The following PTPRT variants were observed in gnomAD, a reference collection of about 807,000 sequenced individuals.
PTPRT encodes the protein receptor-type tyrosine-protein phosphatase T.
PTPRT carries 56 observed loss-of-function variants against 176.8 expected under a neutral mutation model. That is an observed-to-expected ratio of 0.32 (90% CI 0.26 to 0.40). PTPRT has a LOEUF of 0.40. Ranked by LOEUF, PTPRT falls within the 10% of genes least tolerant of loss-of-function variation. The pLI, the probability that PTPRT is intolerant of heterozygous loss-of-function variation, is 1.00. For missense variants in PTPRT, 1,540 were observed against 1,908.2 expected, an observed-to-expected ratio of 0.81 and a Z score of 3.60; for synonymous variants, 783 against 739.0, an observed-to-expected ratio of 1.06 and a Z score of -0.96.
chr20:42,339,815 G>C (rs2087410288), intron 11 of PTPRT, among the ~76,000 whole-genome samples: 1 of 152,178 alleles, frequency 6.6e-6, no homozygotes, highest in African/African-American at 2.4e-5. Context: ...AGTGATGTGG[G>C]GAAATTTTAG....
At chr20:42,316,456 G>T (rs1212919986) in intron 11 of PTPRT, among the ~76,000 whole-genome samples, 1 of 152,078 alleles carries the variant, frequency 6.6e-6, no homozygotes, top group African/African-American at 2.4e-5. Context: ...ATAATGCCTT[G>T]GTTGGACACT....
chr20:42,912,358 C>T (rs1232804386), intron 1 of PTPRT, among the ~76,000 whole-genome samples: 1 of 152,150 alleles, frequency 6.6e-6, no homozygotes, highest in Non-Finnish European at 1.5e-5. Context: ...GGCATTTCCT[C>T]ATTTGTAAAC....
At chr20:42,715,242 C>G (rs1176256791) in intron 6 of PTPRT, among the ~76,000 whole-genome samples, 1 of 152,128 alleles carries the variant, frequency 6.6e-6, no homozygotes, top group Non-Finnish European at 1.5e-5. Flanking sequence ...AGACCACCTA[C>G]AGCAAACTAT....
At chr20:43,084,783 A>C (rs2011560830) in intron 1 of PTPRT, among the ~76,000 whole-genome samples, 1 of 152,222 alleles carries the variant, frequency 6.6e-6, no homozygotes, top group African/African-American at 2.4e-5. Context: ...ATCTTAAGGG[A>C]GAAAAAAGAA....
intron 7 of PTPRT, among the ~76,000 whole-genome samples, chr20:42,570,469 C>T (rs893431292): frequency 5.9e-5 from 9 of 152,280 alleles, no homozygotes; most frequent in Admixed American, 1.3e-4. Context: ...CAGATCTAAT[C>T]GCCCACAAAT....
intron 2 of PTPRT, among the ~76,000 whole-genome samples, chr20:42,856,051 A>G (rs1359720017): frequency 6.6e-6 from 1 of 152,096 alleles, no homozygotes; most frequent in Non-Finnish European, 1.5e-5. Context: ...AAAGCAGCTG[A>G]CTCATTTTGA....
chr20:42,310,049 T>C (rs1236022355), intron 12 of PTPRT, among the ~76,000 whole-genome samples: 4 of 152,186 alleles, frequency 2.6e-5, no homozygotes, highest in Non-Finnish European at 5.9e-5. Flanking sequence ...GTACTAGCTC[T>C]GCAAACAGTG....
chr20:42,139,821 G>A (rs1988540773), intron 18 of PTPRT, among the ~76,000 whole-genome samples: 1 of 152,250 alleles, frequency 6.6e-6, no homozygotes, highest in African/African-American at 2.4e-5. Context: ...AGCTCCCTGT[G>A]GCAGAGTGGG....
At chr20:42,066,319 G>A in the PTPRT span, among the ~76,000 whole-genome samples, 10 of 152,252 alleles carry the variant, frequency 6.6e-5, no homozygotes, top group East Asian at 1.5e-3. Context: ...TGGGATTACA[G>A]GCATGAGCCA....
intron 9 of PTPRT, among the ~76,000 whole-genome samples, chr20:42,429,185 G>C (rs1033414): frequency 6.6e-6 from 1 of 152,068 alleles, no homozygotes; most frequent in Non-Finnish European, 1.5e-5. Flanking sequence ...TTACCTTGAA[G>C]GGCTGAGACA....
chr20:43,048,177 G>C (rs559607261), intron 1 of PTPRT, among the ~76,000 whole-genome samples: 1 of 152,158 alleles, frequency 6.6e-6, no homozygotes, highest in African/African-American at 2.4e-5. Context: ...CTGGGCAGAG[G>C]GGGTGGGGTC....
chr20:42,906,527 C>G (rs1452481864), intron 1 of PTPRT, among the ~76,000 whole-genome samples: 4 of 152,214 alleles, frequency 2.6e-5, no homozygotes, highest in Admixed American at 6.5e-5. Flanking sequence ...TGCAATAAGG[C>G]AGGGGGTCTA....
Position 42,102,110 on chromosome 20 carries a change from C to A in PTPRT, c.3714+14G>T. 1 of 1,602,074 alleles carries A rather than the reference C, an allele frequency of 6.2e-7. No individual in the cohort carries two copies. The highest frequency in any genetic ancestry group is 8.5e-7 in the Non-Finnish European group (1 of 1,170,178). On this transcript the variant is annotated intron_variant, in intron 26 of 30. Coordinates refer to ENST00000373187, the MANE Select transcript of PTPRT (RefSeq NM_007050.6). ...GAATGCCAGCTAGGAGCTTTCTGCCCGGGCTCGGCTTACATCCATCAGTGC... is the reference window on the plus strand; with the variant it reads ...GAATGCCAGCTAGGAGCTTTCTGCCAGGGCTCGGCTTACATCCATCAGTGC...
chr20:42,104,340 C>A (rs1343717066), intron 25 of PTPRT, among the ~76,000 whole-genome samples: 1 of 152,112 alleles, frequency 6.6e-6, no homozygotes, highest in Non-Finnish European at 1.5e-5. Context: ...TGAGAGCTTG[C>A]TGCTTCTACT....
intron 1 of PTPRT, among the ~76,000 whole-genome samples, chr20:43,163,632 C>A (rs1411333525): frequency 6.7e-6 from 1 of 149,014 alleles, no homozygotes; most frequent in Non-Finnish European, 1.5e-5. Context: ...AGCGAGACTC[C>A]TTCTCAAAAA....
chr20:42,584,036 C>T (rs779673333), intron 7 of PTPRT, among the ~76,000 whole-genome samples: 21 of 152,168 alleles, frequency 1.4e-4, no homozygotes, highest in South Asian at 2.1e-4. Flanking sequence ...CTCCAGCCAT[C>T]CCTGCCAAGG....
intron 11 of PTPRT, among the ~76,000 whole-genome samples, chr20:42,343,618 T>A (rs2058144480): frequency 6.6e-6 from 1 of 152,218 alleles, no homozygotes; most frequent in Non-Finnish European, 1.5e-5. Context: ...GGTGCTCATA[T>A]CTGACCAAGT....
chr20:42,876,198 T>G lies in PTPRT; in HGVS notation c.214+9609A>C, dbSNP rs1264381878. The stretch of plus-strand genomic sequence containing the variant: ...GAATAAATATATAATATTTTGTCAT[T>G]AAAGAGGAAAGAAAAAAATGTACTG... On this transcript the variant is annotated intron_variant, in intron 2 of 30. Coordinates refer to ENST00000373187, the MANE Select transcript of PTPRT (RefSeq NM_007050.6). Among the ~76,000 whole-genome samples, 5 of 152,052 alleles carry G rather than the reference T, an allele frequency of 3.3e-5. 1 individual carries two copies. Among genetic ancestry groups the G allele is most frequent in the Non-Finnish European group, 5.9e-5 (4 of 68,012 alleles).
intron 6 of PTPRT, among the ~76,000 whole-genome samples, chr20:42,753,588 T>G (rs918317241): frequency 3.9e-5 from 6 of 152,180 alleles, no homozygotes; most frequent in African/African-American, 1.4e-4. Context: ...CTCCCTAAGC[T>G]GGAGTGGCAG....
Sources: gnomAD v4.1 joint callset for allele counts (sites outside exome capture counted in the v4.1 genomes callset) on GRCh38, gnomAD v4.1.1 for gene constraint, MANE v1.5 for transcripts, NCBI Gene and HGNC (gene_info 2026-07-23, HGNC 2026-07-21) for gene names.